TTLL11: variants seen among roughly 807,000 people sequenced by gnomAD.
TTLL11 encodes tubulin tyrosine ligase like 11, also known as tubulin polyglutamylase TTLL11.
Under a neutral mutation model 51.7 loss-of-function variants are expected in TTLL11, and 42 were observed. The observed-to-expected ratio is 0.81, with a 90% CI of 0.64 to 1.05. The LOEUF (loss-of-function observed/expected upper bound fraction) is 1.05. Among genes scored for constraint, TTLL11 ranks in the 50% least tolerant of loss-of-function variants. The pLI is 0.00. For missense variants in TTLL11, 799 were observed against 940.4 expected, an observed-to-expected ratio of 0.85 and a Z score of 1.97; for synonymous variants, 381 against 383.5, an observed-to-expected ratio of 0.99 and a Z score of 0.08.
In TTLL11 at chr9:121,989,034, T is replaced by C. The variant is rs1388256553; in HGVS notation, c.1269+161A>G. 6.7e-7 allele frequency: 1 copy of C among 1,495,170 alleles called. No individual in the cohort carries two copies. Among genetic ancestry groups the C allele is most frequent in the African/African-American group, 1.4e-5 (1 of 71,378 alleles). The allele number at this position is 1,495,170 out of a possible 1,614,324, so 92.6% of individuals were successfully genotyped here. ...ATCACACAGGGAGCAAACAGAAAGC[T>C]TGGAAGTTGGGCCCAGGTTTAACAC... On this transcript the variant is annotated intron_variant, in intron 4 of 8. Coordinates refer to ENST00000321582, the MANE Select transcript of TTLL11 (RefSeq NM_001139442.2). The surrounding 1 kb of genome is among the most constrained non-coding windows in gnomAD (Gnocchi z 4.2).
At chr9:121,908,298 A>C (rs1469546071) in intron 6 of TTLL11, among the ~76,000 whole-genome samples, 1 of 152,218 alleles carries the variant, frequency 6.6e-6, no homozygotes, top group African/African-American at 2.4e-5. Context: ...GCTGGAATAC[A>C]TGACCCCAGT....
chr9:121,864,314 C>G, intron 7 of TTLL11, among the ~76,000 whole-genome samples: 1 of 152,150 alleles, frequency 6.6e-6, no homozygotes, highest in Non-Finnish European at 1.5e-5. Context: ...TCATTGAGAA[C>G]AGTTTTCCCT....
intron 2 of TTLL11, among the ~76,000 whole-genome samples, chr9:122,038,382 C>T (rs1249521878): frequency 1.3e-5 from 2 of 152,108 alleles, no homozygotes; most frequent in Admixed American, 6.5e-5. Context: ...CAGTGGCTCA[C>T]GCTTGTAATC....
intron 6 of TTLL11, among the ~76,000 whole-genome samples, chr9:121,934,474 C>T (rs1014368476): frequency 4.3e-4 from 65 of 152,252 alleles, no homozygotes; most frequent in African/African-American, 1.4e-3. Context: ...AAGCTCATGG[C>T]GGCAGATAGG....
At chr9:122,059,222 A>T (rs1845376208) in intron 1 of TTLL11, among the ~76,000 whole-genome samples, 1 of 152,210 alleles carries the variant, frequency 6.6e-6, no homozygotes, top group South Asian at 2.1e-4. Flanking sequence ...TCCACTTGAC[A>T]AACATTAATC....
chr9:121,878,676 G>T (rs1261806391), intron 6 of TTLL11, among the ~76,000 whole-genome samples: 1 of 152,212 alleles, frequency 6.6e-6, no homozygotes, highest in East Asian at 1.9e-4. Flanking sequence ...ACTGCGCCCA[G>T]CCCTCTCATT....
rs919999838 is a variant in TTLL11, at chr9:122,093,180, A to G, written c.-32T>C. The G allele has an allele frequency of 9.4e-6, 14 of 1,485,968 alleles. No homozygotes were observed. The highest frequency in any genetic ancestry group is 1.2e-5 in the Non-Finnish European group (13 of 1,125,908). 92.0% of individuals were successfully genotyped at this position (1,485,968 alleles called of 1,614,324 possible). A position where few individuals can be genotyped will look rare whatever the true frequency, so the allele number is the denominator to read the frequency against. ...CAGGGCCGGGGCCAGTGCCAGTGCC[A>G]CCGCCGCCGCCGCCGCCGCTCCGCC... is the stretch of plus-strand genomic sequence containing the variant. On this transcript the variant is annotated 5_prime_UTR_variant, in exon 1 of 9. Coordinates refer to ENST00000321582, the MANE Select transcript of TTLL11 (RefSeq NM_001139442.2).
intron 6 of TTLL11, among the ~76,000 whole-genome samples, chr9:121,933,030 C>T (rs1841054021): frequency 6.6e-6 from 1 of 152,136 alleles, no homozygotes; most frequent in Non-Finnish European, 1.5e-5. Context: ...CAACTGGCTC[C>T]CTGAGCATCG....
chr9:121,882,728 G>A (rs1478619758), intron 6 of TTLL11, among the ~76,000 whole-genome samples: 1 of 152,030 alleles, frequency 6.6e-6, no homozygotes, highest in East Asian at 1.9e-4. Context: ...ACCCCTTCAC[G>A]ACAGCCAAGT....
chr9:121,975,216 G>A (rs1008196973), intron 4 of TTLL11, among the ~76,000 whole-genome samples: 12 of 152,124 alleles, frequency 7.9e-5, no homozygotes, highest in African/African-American at 1.7e-4. Flanking sequence ...TGTCTTTGTC[G>A]TCTGAAGGGC....
At chr9:121,843,780 C>T (rs1837430784) in intron 8 of TTLL11, among the ~76,000 whole-genome samples, 1 of 152,164 alleles carries the variant, frequency 6.6e-6, no homozygotes, top group African/African-American at 2.4e-5. Flanking sequence ...TCAAGCCATC[C>T]TCCTACCTCA....
intron 6 of TTLL11, among the ~76,000 whole-genome samples, chr9:121,916,196 G>A (rs1208089780): frequency 6.6e-6 from 1 of 152,204 alleles, no homozygotes; most frequent in Non-Finnish European, 1.5e-5. Context: ...TACTGACATG[G>A]AAAGATGTCC....
In TTLL11 at chr9:121,989,454, C is replaced by T. The variant is rs199708627; in HGVS notation, c.1010G>A (p.Arg337His). The T allele has an allele frequency of 1.8e-5, 29 of 1,613,980 alleles. No individual in the cohort carries two copies. The Middle Eastern group carries it at 4.9e-4, about 27-fold the overall frequency. Residue 337 changes from arginine to histidine, a missense_variant, in exon 4 of 9, where the codon CGC becomes CAC. Around this residue, in one of 3 missense-constraint regions of TTLL11, gnomAD observed 468 missense variants for 612.8 expected, o/e 0.76. Transcript: ENST00000321582. The surrounding 1 kb of genome is among the most constrained non-coding windows in gnomAD (Gnocchi z 4.2). The part of the protein sequence containing the change: ...YQEPTPKNLH[R>H]IFMHLTNYSL... Reference sequence around the variant, plus strand: ...ATAGTTGGTTAAGTGCATAAAGATGCGGTGCAGGTTTTTGGGGGTGGGCTC... The same window carrying T: ...ATAGTTGGTTAAGTGCATAAAGATGTGGTGCAGGTTTTTGGGGGTGGGCTC...
chr9:121,943,031 G>A (rs1432353735), intron 6 of TTLL11, among the ~76,000 whole-genome samples: 1 of 152,184 alleles, frequency 6.6e-6, no homozygotes, highest in Non-Finnish European at 1.5e-5. Flanking sequence ...CGTGGCATGT[G>A]AGATGTGAAT....
chr9:121,834,892 T>C (rs1837141417), intron 8 of TTLL11, among the ~76,000 whole-genome samples: 2 of 152,020 alleles, frequency 1.3e-5, no homozygotes, highest in African/African-American at 4.8e-5. Context: ...AAGTCTGCTC[T>C]CTCACCTCAC....
At chr9:122,016,672 G>C (rs1299949467) in intron 3 of TTLL11, among the ~76,000 whole-genome samples, 1 of 152,030 alleles carries the variant, frequency 6.6e-6, no homozygotes, top group African/African-American at 2.4e-5. Flanking sequence ...CACTAACTTG[G>C]GATGGTAACT....
rs577178225 is a variant in TTLL11 at position 121,931,600 on chromosome 9, A to G, written c.1481+42409T>C. The stretch of plus-strand genomic sequence containing the variant: ...TCTACTATTTAAAAAAAAAAAAAAA[A>G]AAAAAGAAAAGAAAAGAAAGAAATA... On this transcript the variant is annotated intron_variant, in intron 6 of 8. Transcript: ENST00000321582. Among the ~76,000 whole-genome samples the G allele has an allele frequency of 2.0e-3, 307 of 150,542 alleles. 3 individuals carry two copies. Among genetic ancestry groups the G allele is most frequent in the African/African-American group, 7.0e-3 (285 of 40,644 alleles).
chr9:122,074,020 C>G (rs1179129156), intron 1 of TTLL11, among the ~76,000 whole-genome samples: 1 of 152,160 alleles, frequency 6.6e-6, no homozygotes, highest in South Asian at 2.1e-4. Context: ...CACCTGTAAT[C>G]CCAGCACTTT....
chr9:121,970,059 A>C (rs1044683847), intron 6 of TTLL11, among the ~76,000 whole-genome samples: 1 of 152,266 alleles, frequency 6.6e-6, no homozygotes, highest in African/African-American at 2.4e-5. Context: ...AAATGGCGTT[A>C]GCTATTATCA....
Sources: allele counts gnomAD v4.1 joint callset (sites outside exome capture counted in the v4.1 genomes callset), GRCh38; gene constraint gnomAD v4.1.1; regional missense constraint gnomAD v4.1.1; non-coding constraint Gnocchi (gnomAD v3.1); transcripts MANE v1.5; gene names NCBI Gene and HGNC (gene_info 2026-07-23, HGNC 2026-07-21).